ICA1L: variants seen among roughly 807,000 people sequenced by gnomAD.
The protein encoded by ICA1L is islet cell autoantigen 1-like protein.
Under a neutral mutation model 61.3 loss-of-function variants are expected in ICA1L, and 50 were observed. The ratio of observed to expected loss-of-function variants is 0.82; its 90% CI spans 0.65 to 1.03. The LOEUF is 1.03. Ranked by LOEUF, ICA1L falls within the 50% of genes least tolerant of loss-of-function variation. The pLI, the probability that ICA1L is intolerant of heterozygous loss-of-function variation, is 0.00. For missense variants in ICA1L, 508 were observed against 556.7 expected, an observed-to-expected ratio of 0.91 and a Z score of 0.88; for synonymous variants, 161 against 191.3, an observed-to-expected ratio of 0.84 and a Z score of 1.31.
intron 9 of ICA1L, among the ~76,000 whole-genome samples, chr2:202,800,542 C>T (rs532897242): frequency 6.6e-6 from 1 of 152,226 alleles, no homozygotes; most frequent in South Asian, 2.1e-4. Flanking sequence ...TGGATTCCAT[C>T]TCTATGTCAT....
At chr2:202,847,287 G>A (rs1694488868) in intron 1 of ICA1L, among the ~76,000 whole-genome samples, 4 of 152,156 alleles carry the variant, frequency 2.6e-5, no homozygotes, top group Admixed American at 1.3e-4. Flanking sequence ...AGAAAAATAA[G>A]GGCAATTAGA....
In ICA1L at chr2:202,776,681, T is replaced by C. The variant is rs1692232909; in HGVS notation, c.*2852A>G. The C allele has an allele frequency of 6.6e-6, 1 of 152,224 alleles. No homozygotes were observed. Among genetic ancestry groups the C allele is most frequent in the African/African-American group, 2.4e-5 (1 of 41,444 alleles). The allele number at this position is 152,224 out of a possible 1,614,324, so 9.4% of individuals were successfully genotyped here. ...TCTTAATATAGTTACTGATATGCTC[T>C]TCAAAAACAGTGGTTGGACTTGTTG... On this transcript the variant is annotated 3_prime_UTR_variant, in exon 13 of 13. Coordinates refer to ENST00000358299, the MANE Select transcript of ICA1L (RefSeq NM_001288622.3).
At chr2:202,845,354 T>C (rs776167881) in intron 1 of ICA1L, among the ~76,000 whole-genome samples, 6 of 152,162 alleles carry the variant, frequency 3.9e-5, no homozygotes, top group Non-Finnish European at 8.8e-5. Flanking sequence ...AGGCCCGGCA[T>C]GGTGGCTCAT....
intron 4 of ICA1L, among the ~76,000 whole-genome samples, chr2:202,820,414 C>T (rs939980080): frequency 5.3e-5 from 8 of 151,634 alleles, no homozygotes; most frequent in African/African-American, 1.9e-4. Context: ...TCCCTTGTTA[C>T]TTTAGGAAAT....
intron 4 of ICA1L, 167 bp from the exon 5 acceptor site, chr2:202,820,066 C>T (rs993029913): frequency 1.6e-6 from 1 of 609,168 alleles, no homozygotes; most frequent in Non-Finnish European, 2.9e-6. Flanking sequence ...ATATAGCCAA[C>T]TCTGAATTAT....
At chr2:202,793,677 T>TA (rs373036200) in intron 10 of ICA1L, among the ~76,000 whole-genome samples, 178 of 133,914 alleles carry the variant, frequency 1.3e-3, no homozygotes, top group African/African-American at 3.6e-3. Context: ...AGACTCCATC[T>TA]AAAAAAAAAA....
intron 7 of ICA1L, among the ~76,000 whole-genome samples, chr2:202,815,115 A>G (rs560864630): frequency 6.6e-6 from 1 of 152,310 alleles, no homozygotes; most frequent in Non-Finnish European, 1.5e-5. Flanking sequence ...AAGATTTTCA[A>G]TTTTGATTCT....
intron 1 of ICA1L, among the ~76,000 whole-genome samples, chr2:202,851,200 C>T (rs1261894998): frequency 6.6e-6 from 1 of 151,488 alleles, no homozygotes; most frequent in African/African-American, 2.4e-5. Flanking sequence ...TGTAATGTTC[C>T]CCTTCCTGTG....
At chr2:202,789,681 T>A (rs1692688993) in intron 10 of ICA1L, among the ~76,000 whole-genome samples, 1 of 152,320 alleles carries the variant, frequency 6.6e-6, no homozygotes, top group East Asian at 1.9e-4. Context: ...TTGTTACACC[T>A]GTAAATCTTA....
chr2:202,785,495 T>C (rs550860898), intron 12 of ICA1L, among the ~76,000 whole-genome samples: 1 of 152,182 alleles, frequency 6.6e-6, no homozygotes, highest in Admixed American at 6.5e-5. Context: ...CAATCTTGGC[T>C]CACTGCAACC....
At chr2:202,824,529 G>T (rs542684063) in intron 3 of ICA1L, among the ~76,000 whole-genome samples, 1 of 152,206 alleles carries the variant, frequency 6.6e-6, no homozygotes, top group Non-Finnish European at 1.5e-5. Flanking sequence ...GTATTGTATT[G>T]TATTGTATTT....
chr2:202,800,173 G>C (rs981368888), intron 9 of ICA1L, among the ~76,000 whole-genome samples: 1 of 151,956 alleles, frequency 6.6e-6, no homozygotes, highest in Non-Finnish European at 1.5e-5. Context: ...GAGCCACCGC[G>C]CCTGGCCTGC....
At chr2:202,799,981 G>A (rs1481323093) in intron 9 of ICA1L, among the ~76,000 whole-genome samples, 3 of 151,128 alleles carry the variant, frequency 2.0e-5, no homozygotes, top group African/African-American at 7.3e-5. Flanking sequence ...AGGTTTAAGC[G>A]ATTCTCCTGC....
At position 202,819,924 on chromosome 2, in the gene ICA1L, G is replaced by T. The variant is rs962503743; in HGVS notation, c.360-25C>A. ...TCTAATGGCAGAGAGGTAAAAATCA[G>T]AGGGTTGAACACATCATAAGTAAAA... On this transcript the variant is annotated intron_variant, in intron 4 of 12. Transcript: ENST00000358299. The T allele has an allele frequency of 2.5e-6, 4 of 1,576,140 alleles. No homozygotes were observed. In the East Asian group the frequency reaches 9.0e-5, roughly 35 times the overall value.
chr2:202,813,495 G>A (rs553185670), intron 8 of ICA1L, among the ~76,000 whole-genome samples: 1 of 152,280 alleles, frequency 6.6e-6, no homozygotes, highest in South Asian at 2.1e-4. Context: ...ATTTAGTTCT[G>A]CAGGTTGGGA....
At chr2:202,798,267 A>T (rs1183751907) in intron 9 of ICA1L, among the ~76,000 whole-genome samples, 1 of 152,020 alleles carries the variant, frequency 6.6e-6, no homozygotes, top group Non-Finnish European at 1.5e-5. Flanking sequence ...ATGCTCTGTT[A>T]CCCAGGATGG....
chr2:202,870,241 T>G (rs1687657563), intron 1 of ICA1L, among the ~76,000 whole-genome samples: 1 of 152,148 alleles, frequency 6.6e-6, no homozygotes, highest in African/African-American at 2.4e-5. Flanking sequence ...TAAACTTTGT[T>G]TTATATTTTT....
At chr2:202,839,781 G>A (rs1360613831) in intron 1 of ICA1L, among the ~76,000 whole-genome samples, 1 of 151,502 alleles carries the variant, frequency 6.6e-6, no homozygotes, top group South Asian at 2.1e-4. Context: ...TTCCTTTCAT[G>A]CCTTCTTCCT....
intron 1 of ICA1L, among the ~76,000 whole-genome samples, chr2:202,858,388 G>C (rs1694820520): frequency 6.6e-6 from 1 of 152,198 alleles, no homozygotes; most frequent in Non-Finnish European, 1.5e-5. Flanking sequence ...ACCAAACACT[G>C]CGTGTTCTCA....
Sources: allele counts gnomAD v4.1 joint callset (sites outside exome capture counted in the v4.1 genomes callset), GRCh38; gene constraint gnomAD v4.1.1; transcripts MANE v1.5; gene names NCBI Gene and HGNC (gene_info 2026-07-23, HGNC 2026-07-21).